Variants in ZFPM1 observed in about 807,000 individuals in gnomAD.
The protein encoded by ZFPM1 is zinc finger protein, FOG family member 1.
Under a neutral mutation model 46.3 loss-of-function variants are expected in ZFPM1, and 28 were observed. The ratio of observed to expected loss-of-function variants is 0.60; its 90% CI spans 0.45 to 0.83. ZFPM1 has a LOEUF of 0.83. ZFPM1 is among the 40% of genes least tolerant of loss of function. ZFPM1 has a pLI of 0.00. For missense variants in ZFPM1, 1,878 were observed against 1,432.4 expected (o/e 1.31, Z -5.02); for synonymous variants, 957 against 675.9 (o/e 1.42, Z -6.45).
chr16:88,509,118 C>T (rs1457093454), intron 3 of ZFPM1, among the ~76,000 whole-genome samples: 4 of 152,216 alleles, frequency 2.6e-5, no homozygotes, highest in East Asian at 1.9e-4. Context: ...TCGGGGCCCA[C>T]GTGGTCTGTG....
intron 3 of ZFPM1, among the ~76,000 whole-genome samples, chr16:88,496,200 TGGAA>T (rs1443470311): frequency 9.9e-5 from 15 of 152,210 alleles, no homozygotes; most frequent in Non-Finnish European, 8.8e-5. Flanking sequence ...CCTGGCCTCC[TGGAA>T]GGGTTTTCCA....
intron 5 of ZFPM1, among the ~76,000 whole-genome samples, chr16:88,527,201 TC>T (rs1201135352): frequency 2.0e-5 from 3 of 152,068 alleles, no homozygotes; most frequent in Non-Finnish European, 1.5e-5. Flanking sequence ...GACACCGTGA[TC>T]CCCGTATCTC....
chr16:88,535,201 G>A lies in ZFPM1; in HGVS notation c.*222G>A, dbSNP rs1913194691. On this transcript the variant is annotated 3_prime_UTR_variant, in exon 10 of 10. Transcript: ENST00000319555. ...GCCAGCCTAGTTCTCTGAGCCAGCA[G>A]GCACACGCAGCCAGTGTCACATCCA... 2.3e-6 allele frequency: 1 copy of A among 434,762 alleles called. No homozygotes were observed. Among genetic ancestry groups the A allele is most frequent in the Non-Finnish European group, 3.8e-6 (1 of 266,158 alleles). The allele number at this position is 434,762 out of a possible 1,614,324, so 26.9% of individuals were successfully genotyped here.
At chr16:88,532,737 G>A (rs1245309662) in intron 8 of ZFPM1, 28 bp downstream of exon 8, 2 of 1,612,330 alleles carry the variant, frequency 1.2e-6, no homozygotes, top group Non-Finnish European at 1.7e-6. Flanking sequence ...CGGGGGGTGT[G>A]TGGGTCCCGC....
chr16:88,453,516 G>T lies in ZFPM1; in HGVS notation c.-123G>T. On this transcript the variant is annotated 5_prime_UTR_variant, in exon 1 of 10. Coordinates refer to ENST00000319555, the MANE Select transcript of ZFPM1 (RefSeq NM_153813.3). ...GCGCGGGCTGGGGGCGCGGGCCGGGGCGGCCGCGGAGACCGGGGGCCGGGG... is the reference window on the plus strand; with the variant it reads ...GCGCGGGCTGGGGGCGCGGGCCGGGTCGGCCGCGGAGACCGGGGGCCGGGG... 2.7e-6 allele frequency: 1 copy of T among 365,662 alleles called. No individual in the cohort carries two copies. The highest frequency in any genetic ancestry group is 3.7e-6 in the Non-Finnish European group (1 of 267,236). The allele number at this position is 365,662 out of a possible 1,614,324, so 22.7% of individuals were successfully genotyped here. A position where few individuals can be genotyped will look rare whatever the true frequency, so the allele number is the denominator to read the frequency against.
In ZFPM1 at chr16:88,497,650, C is replaced by T. The variant is rs1437116724; in HGVS notation, c.268+8497C>T. 6.6e-6 allele frequency among the ~76,000 whole-genome samples: 1 copy of T among 152,082 alleles called. No homozygotes were observed. The highest frequency in any genetic ancestry group is 1.5e-5 in the Non-Finnish European group (1 of 68,002). ...AGGGTTTTGTGGGGGGTGTTCGTGCCGTGAGCGATCCGGTCCAGCATCCCG... is the reference window on the plus strand; with the variant it reads ...AGGGTTTTGTGGGGGGTGTTCGTGCTGTGAGCGATCCGGTCCAGCATCCCG... On this transcript the variant is annotated intron_variant, in intron 3 of 9. Coordinates refer to ENST00000319555, the MANE Select transcript of ZFPM1 (RefSeq NM_153813.3). This position sits in a 1 kb window ranked among gnomAD's most constrained non-coding sequence, Gnocchi z 5.4.
intron 3 of ZFPM1, among the ~76,000 whole-genome samples, chr16:88,512,525 G>A (rs1212999268): frequency 6.6e-6 from 1 of 152,144 alleles, no homozygotes; most frequent in East Asian, 1.9e-4. Context: ...TCGGACAAGG[G>A]GTCCTCTTGG....
intron 4 of ZFPM1, chr16:88,516,469 C>T: frequency 2.5e-6 from 1 of 398,390 alleles, no homozygotes; most frequent in Non-Finnish European, 4.4e-6. Context: ...CTGTGGGGAG[C>T]CCGGGGAGGA....
Position 88,461,183 on chromosome 16 carries a change from C to CGGGAGACCTGGTGATGACCGAGGGGT in ZFPM1, c.40+7508_40+7509insAGACCTGGTGATGACCGAGGGGTGGG, listed in dbSNP as rs1907856948. 8.6e-5 allele frequency among the ~76,000 whole-genome samples: 3 copies of CGGGAGACCTGGTGATGACCGAGGGGT among 34,722 alleles called. 1 individual carries two copies. The highest frequency in any genetic ancestry group is 1.5e-4 in the Non-Finnish European group (3 of 20,602). 22.8% of individuals were successfully genotyped at this position (34,722 alleles called of 152,430 possible). ...GGGAGACCTGGTGAGGACCGAGGGG[C>CGGGAGACCTGGTGATGACCGAGGGGT]GGGGCGGGAGGCCTGGTGAGGACCC... On this transcript the variant is annotated intron_variant, in intron 1 of 9. Transcript: ENST00000319555.
intron 1 of ZFPM1, among the ~76,000 whole-genome samples, chr16:88,482,147 G>A (rs1908975182): frequency 6.6e-6 from 1 of 152,156 alleles, no homozygotes; most frequent in South Asian, 2.1e-4. Context: ...GAGGCTAGGG[G>A]GGTTCTTTGC....
At position 88,534,527 on chromosome 16, in the gene ZFPM1, C is replaced by T. The variant is rs773407750; in HGVS notation, c.2569C>T (p.Pro857Ser). 7.1e-7 allele frequency: 1 copy of T among 1,416,740 alleles called. No homozygotes were observed. Among genetic ancestry groups the T allele is most frequent in the African/African-American group, 1.5e-5 (1 of 66,420 alleles). 87.8% of individuals were successfully genotyped at this position (1,416,740 alleles called of 1,614,324 possible). Residue 857 changes from proline to serine, a missense_variant, in exon 10 of 10, where the codon CCC (proline) becomes TCC (serine). Coordinates refer to ENST00000319555, the MANE Select transcript of ZFPM1 (RefSeq NM_153813.3). Reference sequence around the variant, plus strand: ...GCTCGGCCTGCCCGCCGCCGCCTGCCCCTACTGCCCCCCGAACGGCCCGGT... The same window carrying T: ...GCTCGGCCTGCCCGCCGCCGCCTGCTCCTACTGCCCCCCGAACGGCCCGGT... Reference protein sequence around the residue: ...GALGLPAAACPYCPPNGPVRG... With the variant: ...GALGLPAAACSYCPPNGPVRG...
intron 3 of ZFPM1, among the ~76,000 whole-genome samples, chr16:88,508,249 A>G (rs1317156167): frequency 6.6e-6 from 1 of 152,172 alleles, no homozygotes; most frequent in Non-Finnish European, 1.5e-5. Context: ...GTGAGCCGAG[A>G]TTGCACCGCT....
chr16:88,453,790 A>ACCCCGCGCCGCGCC (rs375680945), intron 1 of ZFPM1, 112 bp downstream of exon 1: 1 of 569,646 alleles, frequency 1.8e-6, no homozygotes, highest in Admixed American at 6.1e-5. Flanking sequence ...GGCGACCTTC[A>ACCCCGCGCCGCGCC]CCCCGCGCCG....
rs747485631 is a variant in ZFPM1, at chr16:88,532,733, G to A, written c.1042+24G>A. On this transcript the variant is annotated intron_variant, in intron 8 of 9. Transcript: ENST00000319555. ...CGGTAGGCACCGCAGGGGCCGGGGG[G>A]TGTGTGGGTCCCGCCTCCCCGCCCT... 20 of 1,612,382 alleles carry A rather than the reference G, an allele frequency of 1.2e-5. No homozygotes were observed. In the South Asian group the frequency reaches 1.6e-4, roughly 13 times the overall value.
At chr16:88,453,270 C>G (rs1007853101), upstream of ZFPM1, 3 of 146,924 alleles carry the variant, frequency 2.0e-5, no homozygotes, top group Non-Finnish European at 4.5e-5. Context: ...CGGCCCCGCC[C>G]CGTGCCTCCA....
intron 3 of ZFPM1, among the ~76,000 whole-genome samples, chr16:88,502,342 G>GC (rs1394954060): frequency 1.5e-4 from 23 of 149,942 alleles, no homozygotes; most frequent in Non-Finnish European, 3.0e-5. Context: ...CCGGCCCCCC[G>GC]CCCTCTCCCG....
At chr16:88,502,065 C>CATTTATTTATTT (rs763371544) in intron 3 of ZFPM1, among the ~76,000 whole-genome samples, 1 of 72,904 alleles carries the variant, frequency 1.4e-5, no homozygotes, top group Non-Finnish European at 2.8e-5. Context: ...CGCCCCCCCC[C>CATTTATTTATTT]ATTTATTTAT....
intron 1 of ZFPM1, among the ~76,000 whole-genome samples, chr16:88,466,318 A>G (rs1567527610): frequency 1.3e-5 from 2 of 152,196 alleles, no homozygotes; most frequent in South Asian, 2.1e-4. Flanking sequence ...AGGGGCGCCT[A>G]TGACCTCATT....
At chr16:88,527,441 G>T (rs1372888056) in intron 5 of ZFPM1, among the ~76,000 whole-genome samples, 1 of 152,154 alleles carries the variant, frequency 6.6e-6, no homozygotes, top group Non-Finnish European at 1.5e-5. Flanking sequence ...GAAGCGGGAG[G>T]CCCTCTGGGC....
Sources: allele counts gnomAD v4.1 joint callset (sites outside exome capture counted in the v4.1 genomes callset), GRCh38; gene constraint gnomAD v4.1.1; non-coding constraint Gnocchi (gnomAD v3.1); transcripts MANE v1.5; gene names NCBI Gene and HGNC (gene_info 2026-07-23, HGNC 2026-07-21).